Variants in CD6 observed in about 807,000 individuals in gnomAD.
The protein encoded by CD6 is CD6 molecule, also known as T-cell differentiation antigen CD6.
Under a neutral mutation model 75.3 loss-of-function variants are expected in CD6, and 53 were observed. That is an observed-to-expected ratio of 0.70 (90% confidence interval 0.56 to 0.88). The LOEUF (loss-of-function observed/expected upper bound fraction) is 0.88, where lower values mean the gene tolerates loss of function less well. Ranked by LOEUF, CD6 falls within the 40% of genes least tolerant of loss-of-function variation. The probability of loss-of-function intolerance (pLI) is 0.00; values close to 1 mark genes in which losing one functional copy is unlikely to be tolerated. For missense variants in CD6, 770 were observed against 897.1 expected (o/e 0.86, Z 1.81); for synonymous variants, 359 against 381.5 (o/e 0.94, Z 0.69).
intron 1 of CD6, among the ~76,000 whole-genome samples, chr11:61,003,668 A>G (rs947794924): frequency 6.6e-6 from 1 of 152,206 alleles, no homozygotes; most frequent in East Asian, 1.9e-4. Context: ...CAGGAGGTGG[A>G]GGTTGCAGTG....
intron 1 of CD6, among the ~76,000 whole-genome samples, chr11:60,983,635 T>TG (rs1163262428): frequency 1.3e-5 from 2 of 149,414 alleles, no homozygotes; most frequent in East Asian, 1.9e-4. Context: ...TTGTTGTTGT[T>TG]TTTTTTTTTT....
chr11:61,018,621 T>G, intron 12 of CD6: 1 of 526,458 alleles, frequency 1.9e-6, no homozygotes, highest in South Asian at 2.9e-5. Context: ...AATTTACGAC[T>G]AGCCCCGGGA....
Position 60,994,457 on chromosome 11 carries a change from C to CAAAAAAAAAAAAAAAAA in CD6, c.50-12103_50-12102insAAAAAAAAAAAAAAAAA, listed in dbSNP as rs61349237. Among the ~76,000 whole-genome samples the CAAAAAAAAAAAAAAAAA allele has an allele frequency of 1.6e-3, 84 of 52,926 alleles. 9 individuals are homozygous for CAAAAAAAAAAAAAAAAA. The highest frequency in any genetic ancestry group is 1.6e-3 in the Non-Finnish European group (51 of 32,162). 34.7% of individuals were successfully genotyped at this position (52,926 alleles called of 152,430 possible). A position where few individuals can be genotyped will look rare whatever the true frequency, so the allele number is the denominator to read the frequency against. Reference sequence around the variant, plus strand: ...CTCATCCCCTCCCCAACACCCCCGCCAAAAAAAAAAAAAAGCTGAATTTCT... The same window carrying CAAAAAAAAAAAAAAAAA: ...CTCATCCCCTCCCCAACACCCCCGCCAAAAAAAAAAAAAAAAAAAAAAAAAAAAAAAGCTGAATTTCT... On this transcript the variant is annotated intron_variant, in intron 1 of 12. Coordinates refer to ENST00000313421, the MANE Select transcript of CD6 (RefSeq NM_006725.5).
At position 61,008,994 on chromosome 11, in the gene CD6, A is replaced by C. The variant is rs995538406; in HGVS notation, c.781+149A>C. 17 of 682,430 alleles carry C rather than the reference A, an allele frequency of 2.5e-5. No individual in the cohort carries two copies. In the East Asian group the frequency reaches 4.8e-4, roughly 19 times the overall value. The allele number at this position is 682,430 out of a possible 1,614,324, so 42.3% of individuals were successfully genotyped here. A position where few individuals can be genotyped will look rare whatever the true frequency, so the allele number is the denominator to read the frequency against. On this transcript the variant is annotated intron_variant, in intron 4 of 12. Coordinates refer to ENST00000313421, the MANE Select transcript of CD6 (RefSeq NM_006725.5). ...GGGAGATGAGACTGAGACAAACATA[A>C]TTCAGGAGAGAAAGTGGTAAATGCC...
At chr11:60,980,763 C>G (rs1645710648) in intron 1 of CD6, among the ~76,000 whole-genome samples, 1 of 152,158 alleles carries the variant, frequency 6.6e-6, no homozygotes. Flanking sequence ...TCGCTTGAAA[C>G]CGGGAGGCGG....
intron 8 of CD6, 88 bp downstream of exon 8, chr11:61,014,102 GACGT>G: frequency 1.1e-6 from 1 of 921,782 alleles, no homozygotes. Flanking sequence ...TTAGGTCCAA[GACGT>G]ACACACAGCT....
Position 61,017,831 on chromosome 11 carries a change from TG to T in CD6, c.1658del (p.Gly553AlafsTer228). The T allele has an allele frequency of 6.2e-7, 1 of 1,614,130 alleles. No individual in the cohort carries two copies. Among genetic ancestry groups the T allele is most frequent in the Non-Finnish European group, 8.5e-7 (1 of 1,180,024 alleles). ...PGHCITDPPS[L>X]GPQYHPRSNS... The stretch of plus-strand genomic sequence containing the variant: ...CACTGCATTACAGACCCGCCATCCC[TG>T]GGCCCTCAGTATCACCCGAGGAGCA... On this transcript the variant is annotated frameshift_variant, in exon 11 of 13. Transcript: ENST00000313421. LOFTEE classifies it high-confidence loss of function.
Position 61,007,751 on chromosome 11 carries a change from C to T in CD6, c.310C>T (p.Leu104=), listed in dbSNP as rs536627807. 1.9e-5 allele frequency: 27 copies of T among 1,442,852 alleles called. No individual in the cohort carries two copies. The highest frequency in any genetic ancestry group is 2.3e-5 in the Non-Finnish European group (25 of 1,095,702). 89.4% of individuals were successfully genotyped at this position (1,442,852 alleles called of 1,614,324 possible). ...TCAGCTCGCCCCGCCGACCCCTGAG[C>T]TGCCGCCCCCGCCTGCAGCCGGGAA... ...ASQLAPPTPE[L]PPPPAAGNTS... The change falls in exon 3 of 13, where the codon CTG becomes TTG. Residue 104 remains leucine (L), a synonymous_variant. Coordinates refer to ENST00000313421, the MANE Select transcript of CD6 (RefSeq NM_006725.5). This position sits in a 1 kb window ranked among gnomAD's most constrained non-coding sequence, Gnocchi z 4.2.
intron 6 of CD6, among the ~76,000 whole-genome samples, chr11:61,012,853 T>C (rs1450299457): frequency 2.6e-5 from 4 of 152,202 alleles, no homozygotes; most frequent in Non-Finnish European, 5.9e-5. Context: ...GCTCTTCTGA[T>C]GGTCTGTTCA....
intron 1 of CD6, among the ~76,000 whole-genome samples, chr11:60,972,428 C>T (rs1025298917): frequency 2.6e-5 from 4 of 152,190 alleles, no homozygotes; most frequent in East Asian, 3.9e-4. Context: ...CTCAGCACAA[C>T]CAGCTGGGGT....
At chr11:60,986,496 G>A (rs1857821372) in intron 1 of CD6, among the ~76,000 whole-genome samples, 2 of 152,176 alleles carry the variant, frequency 1.3e-5, no homozygotes, top group South Asian at 4.1e-4. Flanking sequence ...TGCGCTCTAG[G>A]TAGATGCTAA....
intron 9 of CD6, 33 bp downstream of exon 9, chr11:61,015,868 C>T (rs1025386382): frequency 6.2e-7 from 1 of 1,611,094 alleles, no homozygotes; most frequent in African/African-American, 1.3e-5. Flanking sequence ...GAGGGCCCAC[C>T]TACCTGAATC....
At chr11:60,989,669 A>C (rs1278339661) in intron 1 of CD6, among the ~76,000 whole-genome samples, 8 of 152,192 alleles carry the variant, frequency 5.3e-5, no homozygotes, top group Non-Finnish European at 1.2e-4. Flanking sequence ...ATTAATAATA[A>C]GAGTAACTAG....
At chr11:60,991,125 CTTTCT>C (rs199673142) in intron 1 of CD6, among the ~76,000 whole-genome samples, 1,965 of 144,710 alleles carry the variant, frequency 0.014, 22 homozygotes, top group Non-Finnish European at 0.022. Flanking sequence ...TTCTTTCTTT[CTTTCT>C]TTTCTTTTCT....
Position 61,007,710 on chromosome 11 carries a change from G to A in CD6, c.269G>A (p.Gly90Glu). The A allele has an allele frequency of 2.9e-6, 4 of 1,392,462 alleles. No individual in the cohort carries two copies. Among genetic ancestry groups the A allele is most frequent in the Non-Finnish European group, 3.7e-6 (4 of 1,073,678 alleles). The allele number at this position is 1,392,462 out of a possible 1,614,324, so 86.3% of individuals were successfully genotyped here. Residue 90 changes from glycine (G) to glutamate (E), a missense_variant, in exon 3 of 13, where the codon GGG becomes GAG. Physicochemically the swap from Gly to Glu is moderately conservative, Grantham distance 98. Coordinates refer to ENST00000313421, the MANE Select transcript of CD6 (RefSeq NM_006725.5). This position sits in a 1 kb window ranked among gnomAD's most constrained non-coding sequence, Gnocchi z 4.2. ...GTGTGCCGAGCACTGGGCTGCGGCGGGGCGGAGGCCGCCTCTCAGCTCGCC... is the reference window on the plus strand; with the variant it reads ...GTGTGCCGAGCACTGGGCTGCGGCGAGGCGGAGGCCGCCTCTCAGCTCGCC... Reference protein sequence around the residue: ...EAVCRALGCGGAEAASQLAPP... With the variant: ...EAVCRALGCGEAEAASQLAPP...
At chr11:60,983,804 C>T (rs1305168570) in intron 1 of CD6, among the ~76,000 whole-genome samples, 1 of 152,164 alleles carries the variant, frequency 6.6e-6, no homozygotes, top group Non-Finnish European at 1.5e-5. Context: ...CAGTATGCTG[C>T]GTTTAATTCT....
intron 1 of CD6, among the ~76,000 whole-genome samples, chr11:60,983,086 G>GA (rs1554990911): frequency 6.7e-6 from 1 of 150,228 alleles, no homozygotes; most frequent in Non-Finnish European, 1.5e-5. Context: ...CCTCCTCTTT[G>GA]TTTTTTTACT....
At chr11:61,010,122 C>T (rs769505430) in intron 5 of CD6, among the ~76,000 whole-genome samples, 2 of 152,214 alleles carry the variant, frequency 1.3e-5, no homozygotes, top group Non-Finnish European at 2.9e-5. Context: ...GCAATGGTTC[C>T]TCTTGACTGG....
chr11:61,011,100 C>T lies in CD6; in HGVS notation c.1115C>T (p.Pro372Leu). 6.2e-7 allele frequency: 1 copy of T among 1,613,922 alleles called. No homozygotes were observed. The highest frequency in any genetic ancestry group is 8.5e-7 in the Non-Finnish European group (1 of 1,179,994). Reference protein sequence around the residue: ...ASRSLHNLSTPEVPASVQTVT... With the variant: ...ASRSLHNLSTLEVPASVQTVT... ...CGGAGTTTGCACAATCTGTCCACTC[C>T]CGAAGTCCCTGCAAGTGTTCAGACA... The change falls in exon 6 of 13, where the codon CCC becomes CTC. Residue 372 changes from proline (P) to leucine (L), a missense_variant. Pro to Leu is a moderately conservative substitution (Grantham distance 98, BLOSUM62 -3). Transcript: ENST00000313421.
Sources: gnomAD v4.1 joint callset for allele counts (sites outside exome capture counted in the v4.1 genomes callset) on GRCh38, gnomAD v4.1.1 for gene constraint, Gnocchi (gnomAD v3.1) non-coding constraint, MANE v1.5 for transcripts, NCBI Gene and HGNC (gene_info 2026-07-23, HGNC 2026-07-21) for gene names.